The following LIX1 variants were observed in gnomAD, a reference collection of about 807,000 sequenced individuals.
The protein encoded by LIX1 is protein limb expression 1 homolog.
A neutral mutation model predicts 33.4 loss-of-function variants in LIX1; 24 were observed. The ratio of observed to expected loss-of-function variants is 0.72; its 90% CI spans 0.52 to 1.01. The LOEUF (loss-of-function observed/expected upper bound fraction) is 1.01, where lower values mean the gene tolerates loss of function less well. Ranked by LOEUF, LIX1 falls within the 50% of genes least tolerant of loss-of-function variation. The pLI, the probability that LIX1 is intolerant of heterozygous loss-of-function variation, is 0.00. For synonymous variants in LIX1, 124 were observed against 124.0 expected, an observed-to-expected ratio of 1.00 and a Z score of 0.00; for missense variants, 311 against 339.2, an observed-to-expected ratio of 0.92 and a Z score of 0.65.
At chr5:97,107,016 G>C (rs1187670959) in intron 3 of LIX1, among the ~76,000 whole-genome samples, 1 of 152,102 alleles carries the variant, frequency 6.6e-6, no homozygotes, top group Non-Finnish European at 1.5e-5. Context: ...TTTTCCACTA[G>C]ATTAAAGCAG....
At chr5:97,101,764 G>T (rs967748680) in intron 4 of LIX1, 3 of 152,072 alleles carry the variant, frequency 2.0e-5, no homozygotes, top group African/African-American at 4.8e-5. Context: ...TCTAGGAGAC[G>T]GGTTTGGCTC....
intron 3 of LIX1, 50 bp from the exon 4 acceptor site, chr5:97,105,335 C>G (rs1746958242): frequency 6.8e-7 from 1 of 1,464,384 alleles, no homozygotes; most frequent in Admixed American, 1.7e-5. Context: ...TCCTCCTCTT[C>G]TTTGAATGGT....
intron 1 of LIX1, among the ~76,000 whole-genome samples, chr5:97,131,641 C>G (rs1748059014): frequency 6.6e-6 from 1 of 152,222 alleles, no homozygotes; most frequent in African/African-American, 2.4e-5. Flanking sequence ...CTGGCTCATT[C>G]TTCTCTGTAG....
intron 2 of LIX1, among the ~76,000 whole-genome samples, chr5:97,117,575 C>A (rs926085179): frequency 3.3e-5 from 5 of 152,138 alleles, no homozygotes; most frequent in African/African-American, 1.2e-4. Context: ...ATTCCATGGA[C>A]TTTGAGAAGA....
At chr5:97,140,732 A>G (rs1197844443) in intron 1 of LIX1, among the ~76,000 whole-genome samples, 1 of 152,188 alleles carries the variant, frequency 6.6e-6, no homozygotes, top group Admixed American at 6.5e-5. Context: ...GAAATGTGCC[A>G]TTTGGCTTAC....
At chr5:97,113,261 C>A (rs1452244849) in intron 2 of LIX1, among the ~76,000 whole-genome samples, 1 of 152,228 alleles carries the variant, frequency 6.6e-6, no homozygotes, top group African/African-American at 2.4e-5. Flanking sequence ...TTACCAAAAG[C>A]AACCTCCTTC....
intron 2 of LIX1, among the ~76,000 whole-genome samples, chr5:97,119,878 C>T (rs1747738066): frequency 6.6e-6 from 1 of 151,818 alleles, no homozygotes; most frequent in Non-Finnish European, 1.5e-5. Flanking sequence ...AAAACAATAA[C>T]ACTAGAATTT....
intron 2 of LIX1, among the ~76,000 whole-genome samples, chr5:97,124,053 G>C (rs1747849457): frequency 6.6e-6 from 1 of 152,096 alleles, no homozygotes; most frequent in Admixed American, 6.6e-5. Flanking sequence ...AAGTTCAAAG[G>C]GAGAGTAAAG....
chr5:97,123,492 C>A (rs1580238583), intron 2 of LIX1, among the ~76,000 whole-genome samples: 1 of 152,130 alleles, frequency 6.6e-6, no homozygotes, highest in African/African-American at 2.4e-5. Flanking sequence ...GTCCCTTCAC[C>A]TTTAGCTCCT....
chr5:97,099,777 C>G (rs1436560996), intron 4 of LIX1, among the ~76,000 whole-genome samples: 1 of 152,164 alleles, frequency 6.6e-6, no homozygotes, highest in Non-Finnish European at 1.5e-5. Flanking sequence ...GCGGAGAGTA[C>G]AGTCAGCTGC....
chr5:97,129,631 T>C (rs1748011445), intron 1 of LIX1, among the ~76,000 whole-genome samples: 1 of 152,212 alleles, frequency 6.6e-6, no homozygotes, highest in Non-Finnish European at 1.5e-5. Context: ...TAGTTTTGCC[T>C]CTATAGTCCA....
At chr5:97,125,164 T>C (rs1747886454) in intron 1 of LIX1, among the ~76,000 whole-genome samples, 1 of 152,168 alleles carries the variant, frequency 6.6e-6, no homozygotes, top group Non-Finnish European at 1.5e-5. Flanking sequence ...AGTTGTAGAA[T>C]AAGCAGGAGG....
At chr5:97,104,326 G>C (rs1203071029) in intron 4 of LIX1, among the ~76,000 whole-genome samples, 1 of 152,160 alleles carries the variant, frequency 6.6e-6, no homozygotes, top group Non-Finnish European at 1.5e-5. Context: ...ATTCCTACCA[G>C]CATTGCATGT....
At chr5:97,134,160 G>A (rs995745708) in intron 1 of LIX1, among the ~76,000 whole-genome samples, 24 of 152,030 alleles carry the variant, frequency 1.6e-4, no homozygotes, top group African/African-American at 4.6e-4. Flanking sequence ...TACTTTTGTC[G>A]CCCAGCTGGT....
rs1222062561 is a variant in LIX1 at position 97,094,994 on chromosome 5, C to A, written c.603G>T (p.Lys201Asn). ...AGTCCAGGGCCATGTGGCTGCGCAT[C>A]TTTTCATCTAGAGAATACTGAGAAT... ...SYYSQYSLDEKMRSHMALDWI... is the reference protein window; with the variant it reads ...SYYSQYSLDENMRSHMALDWI... The change falls in exon 6 of 6, where the codon AAG becomes AAT. Residue 201 changes from lysine (K) to asparagine (N), a missense_variant. Physicochemically the swap from Lys to Asn is moderately conservative, Grantham distance 94. Transcript: ENST00000274382. 4 of 1,614,134 alleles carry A rather than the reference C, an allele frequency of 2.5e-6. No individual in the cohort carries two copies. Among genetic ancestry groups the A allele is most frequent in the Non-Finnish European group, 3.4e-6 (4 of 1,180,024 alleles).
At chr5:97,112,859 G>GTGGTAGC (rs1214559495) in intron 2 of LIX1, among the ~76,000 whole-genome samples, 1 of 151,448 alleles carries the variant, frequency 6.6e-6, no homozygotes, top group Non-Finnish European at 1.5e-5. Flanking sequence ...TTCAAAGGCA[G>GTGGTAGC]TGGTAGCCAG....
chr5:97,115,294 G>A (rs1196539934), intron 2 of LIX1, among the ~76,000 whole-genome samples: 2 of 152,106 alleles, frequency 1.3e-5, no homozygotes, highest in Non-Finnish European at 2.9e-5. Context: ...TTCCTAATAA[G>A]AAATTAGTTT....
At chr5:97,124,338 A>G in intron 2 of LIX1, 128 bp downstream of exon 2, 2 of 728,374 alleles carry the variant, frequency 2.7e-6, no homozygotes, top group South Asian at 3.2e-5. Context: ...GGTTGTTTTC[A>G]TTCATAGGAT....
intron 1 of LIX1, among the ~76,000 whole-genome samples, chr5:97,134,839 T>C (rs1385580267): frequency 1.3e-5 from 2 of 152,196 alleles, no homozygotes; most frequent in Non-Finnish European, 2.9e-5. Context: ...GTACAACATG[T>C]AGGAATCTCG....
Sources: gnomAD v4.1 joint callset for allele counts (sites outside exome capture counted in the v4.1 genomes callset) on GRCh38, gnomAD v4.1.1 for gene constraint, MANE v1.5 for transcripts, NCBI Gene and HGNC (gene_info 2026-07-23, HGNC 2026-07-21) for gene names.